Variants in KIF2A observed in about 807,000 individuals in gnomAD.
KIF2A encodes kinesin family member 2A, also known as kinesin-like protein KIF2A.
KIF2A carries 22 observed loss-of-function variants against 100.2 expected under a neutral mutation model. The observed-to-expected ratio is 0.22, with a 90% CI of 0.16 to 0.31. KIF2A has a LOEUF of 0.31. Ranked by LOEUF, KIF2A falls within the 10% of genes least tolerant of loss-of-function variation. KIF2A has a pLI of 1.00. For missense variants in KIF2A, 495 were observed against 898.7 expected (o/e 0.55, Z 5.74); for synonymous variants, 268 against 285.9 (o/e 0.94, Z 0.63).
intron 19 of KIF2A, among the ~76,000 whole-genome samples, chr5:62,380,382 T>C (rs1741722273): frequency 6.6e-6 from 1 of 152,204 alleles, no homozygotes; most frequent in African/African-American, 2.4e-5. Flanking sequence ...ATGTATTTGA[T>C]GCATTCCCTC....
chr5:62,368,141 T>C (rs939793979), intron 16 of KIF2A, among the ~76,000 whole-genome samples: 1 of 152,306 alleles, frequency 6.6e-6, no homozygotes, highest in Admixed American at 6.5e-5. Context: ...TAGAGCATTA[T>C]TGGCCCCCCA....
rs1748067364 is a variant in KIF2A at position 62,355,715 on chromosome 5, A to G, written c.654+461A>G. Reference sequence around the variant, plus strand: ...TTGTTGAGGGCTGCAGTGGACCAGAAATCTAGAACTGGAAAAAATCCTCTG... The same window carrying G: ...TTGTTGAGGGCTGCAGTGGACCAGAGATCTAGAACTGGAAAAAATCCTCTG... On this transcript the variant is annotated intron_variant, in intron 7 of 20. Coordinates refer to ENST00000407818, the MANE Select transcript of KIF2A (RefSeq NM_001098511.3). Among the ~76,000 whole-genome samples the G allele has an allele frequency of 1.3e-5, 2 of 152,124 alleles. 1 individual carries two copies. The highest frequency in any genetic ancestry group is 4.1e-4 in the South Asian group (2 of 4,832).
chr5:62,312,526 GTGTT>G (rs145462187), intron 1 of KIF2A, among the ~76,000 whole-genome samples: 1,547 of 152,258 alleles, frequency 0.01, 24 homozygotes, highest in African/African-American at 0.035. Flanking sequence ...TAATTTTAAG[GTGTT>G]TGTTTATTTG....
intron 18 of KIF2A, among the ~76,000 whole-genome samples, chr5:62,374,199 G>A (rs949773652): frequency 3.3e-5 from 5 of 152,194 alleles, no homozygotes; most frequent in African/African-American, 4.8e-5. Context: ...GTGACAGAGC[G>A]AGACCTTGTC....
At chr5:62,340,397 A>G (rs1393394149) in intron 1 of KIF2A, among the ~76,000 whole-genome samples, 1 of 152,248 alleles carries the variant, frequency 6.6e-6, no homozygotes, top group African/African-American at 2.4e-5. Context: ...GAGAGAGTCA[A>G]AGGGCAATGA....
At chr5:62,354,679 A>T (rs993014896) in intron 6 of KIF2A, among the ~76,000 whole-genome samples, 2 of 152,166 alleles carry the variant, frequency 1.3e-5, no homozygotes, top group African/African-American at 2.4e-5. Context: ...GGTCAGCAAA[A>T]ATAGAAAATG....
chr5:62,344,493 G>T (rs1414609620), intron 1 of KIF2A, among the ~76,000 whole-genome samples: 2 of 152,186 alleles, frequency 1.3e-5, no homozygotes, highest in African/African-American at 4.8e-5. Context: ...GATGATAAAA[G>T]TGTTAGGATT....
rs556198100 is a variant in KIF2A, at chr5:62,350,445, T to A, written c.334+325T>A. Among the ~76,000 whole-genome samples the A allele has an allele frequency of 2.6e-4, 40 of 151,948 alleles. 1 individual carries two copies. In the South Asian group the frequency reaches 7.1e-3, roughly 27 times the overall value. ...GGCATGAGCCACTATGCCCAGCTAA[T>A]TTTTTGATTTTTTAGTAGAGAGTCT... On this transcript the variant is annotated intron_variant, in intron 4 of 20. Transcript: ENST00000407818.
chr5:62,373,404 T>C (rs1302132352), intron 17 of KIF2A, among the ~76,000 whole-genome samples: 1 of 147,110 alleles, frequency 6.8e-6, no homozygotes. Flanking sequence ...CATAACAAGT[T>C]TTTTTCTTTG....
rs1233766177 is a variant in KIF2A, at chr5:62,306,554, C to T, written c.64+18C>T. ...CAGCGATGGTGAGCCGCGCTGCCAGCCCCGCTGGCCCGCTCGGCCCCGTGT... is the reference window on the plus strand; with the variant it reads ...CAGCGATGGTGAGCCGCGCTGCCAGTCCCGCTGGCCCGCTCGGCCCCGTGT... On this transcript the variant is annotated intron_variant, in intron 1 of 20. Transcript: ENST00000407818. 4 of 1,540,838 alleles carry T rather than the reference C, an allele frequency of 2.6e-6. No individual in the cohort carries two copies. Among genetic ancestry groups the T allele is most frequent in the Middle Eastern group, 1.7e-4 (1 of 5,968 alleles).
rs566923339 is a variant in KIF2A, at chr5:62,365,362, A to T, written c.1578+9A>T. ...ACTCTCGTACCTGCATGGTAAGTTT[A>T]TGTTTATTTTTTGTTTGTTTTATTT... On this transcript the variant is annotated intron_variant, in intron 15 of 20. Transcript: ENST00000407818. 5.0e-6 allele frequency: 7 copies of T among 1,386,728 alleles called. No homozygotes were observed. In the East Asian group the frequency reaches 1.6e-4, roughly 32 times the overall value. 85.9% of individuals were successfully genotyped at this position (1,386,728 alleles called of 1,614,324 possible). A position where few individuals can be genotyped will look rare whatever the true frequency, so the allele number is the denominator to read the frequency against.
chr5:62,334,951 C>T (rs1004421722), intron 1 of KIF2A, among the ~76,000 whole-genome samples: 1 of 152,208 alleles, frequency 6.6e-6, no homozygotes. Context: ...GTGACTTCAG[C>T]CTGGGGAACT....
rs1742060005 is a variant in KIF2A at position 62,386,963 on chromosome 5, G to C, written c.*1394G>C. On this transcript the variant is annotated 3_prime_UTR_variant, in exon 21 of 21. Coordinates refer to ENST00000407818, the MANE Select transcript of KIF2A (RefSeq NM_001098511.3). ...GCTAAAAATCTCCCAAGGATATCTT[G>C]TTTTGATTTATTTACTCCAGGGAAC... Among the ~76,000 whole-genome samples, 1 of 152,182 alleles carries C rather than the reference G, an allele frequency of 6.6e-6. No individual in the cohort carries two copies. Among genetic ancestry groups the C allele is most frequent in the Non-Finnish European group, 1.5e-5 (1 of 68,026 alleles).
chr5:62,389,079 G>A lies in KIF2A; in HGVS notation c.*3510G>A. The A allele has an allele frequency of 1.9e-6, 3 of 1,594,930 alleles. No homozygotes were observed. The highest frequency in any genetic ancestry group is 1.1e-5 in the South Asian group (1 of 89,920). On this transcript the variant is annotated 3_prime_UTR_variant, in exon 21 of 21. Transcript: ENST00000407818. ...TGAAAAAAGAAATCAAAATGGAATG[G>A]TACTGAAAAGCTAATTTGTAGCACA...
intron 1 of KIF2A, among the ~76,000 whole-genome samples, chr5:62,323,155 C>T (rs1176150356): frequency 6.6e-6 from 1 of 151,438 alleles, no homozygotes; most frequent in African/African-American, 2.4e-5. Flanking sequence ...ACTCAGCAGG[C>T]TGAGGCAGGA....
intron 14 of KIF2A, among the ~76,000 whole-genome samples, chr5:62,365,028 G>A (rs1266092048): frequency 6.6e-6 from 1 of 152,186 alleles, no homozygotes; most frequent in Non-Finnish European, 1.5e-5. Flanking sequence ...TGGAGACAAA[G>A]GTTGTAGTGA....
rs1747649839 is a variant in KIF2A at position 62,347,779 on chromosome 5, A to G, written c.160-269A>G. Among the ~76,000 whole-genome samples, 4 of 151,892 alleles carry G rather than the reference A, an allele frequency of 2.6e-5. No individual in the cohort carries two copies. In the South Asian group the frequency reaches 8.3e-4, roughly 32 times the overall value. Reference sequence around the variant, plus strand: ...GCTGGGACTACAGGTGTGCACCACCACACCTGGCTAATTTTTGTATTTTTT... The same window carrying G: ...GCTGGGACTACAGGTGTGCACCACCGCACCTGGCTAATTTTTGTATTTTTT... On this transcript the variant is annotated intron_variant, in intron 2 of 20. Transcript: ENST00000407818.
At chr5:62,317,112 A>G (rs1413341981) in intron 1 of KIF2A, among the ~76,000 whole-genome samples, 1 of 151,648 alleles carries the variant, frequency 6.6e-6, no homozygotes, top group African/African-American at 2.4e-5. Context: ...GCAGTGGTGC[A>G]ATATCGGCTC....
At chr5:62,334,830 A>G (rs960805581) in intron 1 of KIF2A, among the ~76,000 whole-genome samples, 6 of 152,018 alleles carry the variant, frequency 3.9e-5, no homozygotes, top group African/African-American at 1.4e-4. Flanking sequence ...CTGCCCTCTC[A>G]GGCCTGCTCA....
Sources: gnomAD v4.1 joint callset for allele counts (sites outside exome capture counted in the v4.1 genomes callset) on GRCh38, gnomAD v4.1.1 for gene constraint, MANE v1.5 for transcripts, NCBI Gene and HGNC (gene_info 2026-07-23, HGNC 2026-07-21) for gene names.